Variants in INO80D observed in about 807,000 individuals in gnomAD.
INO80D encodes INO80 complex subunit D.
A neutral mutation model predicts 87.6 loss-of-function variants in INO80D; 21 were observed. The ratio of observed to expected loss-of-function variants is 0.24; its 90% CI spans 0.17 to 0.35. The LOEUF is 0.35. INO80D is among the 10% of genes least tolerant of loss of function. INO80D has a pLI of 1.00. For missense variants in INO80D, 982 were observed against 1,280.7 expected (o/e 0.77, Z 3.56); for synonymous variants, 440 against 491.0 (o/e 0.90, Z 1.37).
At position 206,056,256 on chromosome 2, in the gene INO80D, T is replaced by A. The variant is rs1689515076; in HGVS notation, c.906A>T (p.Arg302Ser). The A allele has an allele frequency of 6.2e-7, 1 of 1,612,910 alleles. No homozygotes were observed. Among genetic ancestry groups the A allele is most frequent in the Non-Finnish European group, 8.5e-7 (1 of 1,179,422 alleles). Residue 302 changes from arginine (R) to serine (S), a missense_variant, in exon 4 of 11, where the codon AGA becomes AGT. By Grantham distance (110) the Arg-to-Ser change is moderately radical. Transcript: ENST00000403263. Reference protein sequence around the residue: ...PHFSCISRLQRLVKLCTQKHQ... With the variant: ...PHFSCISRLQSLVKLCTQKHQ... ...GTTTCTGGGTGCACAGTTTCACCAG[T>A]CTCTGCAGTCGGCTTATACATGAGA...
At chr2:206,054,031 G>C (rs1264844536) in intron 4 of INO80D, among the ~76,000 whole-genome samples, 1 of 151,842 alleles carries the variant, frequency 6.6e-6, no homozygotes, top group Admixed American at 6.6e-5. Flanking sequence ...GTAGAGACAG[G>C]GTTTTGCCAT....
chr2:206,014,045 C>G (rs2105808833), intron 8 of INO80D, among the ~76,000 whole-genome samples: 1 of 151,320 alleles, frequency 6.6e-6, no homozygotes, highest in South Asian at 2.1e-4. Context: ...TGTAATCCAG[C>G]TACTCGGGAG....
chr2:206,049,850 G>A (rs1036052875), intron 4 of INO80D, among the ~76,000 whole-genome samples: 5 of 152,338 alleles, frequency 3.3e-5, no homozygotes, highest in South Asian at 4.1e-4. Context: ...TTAAAAGGGC[G>A]TCCGGGCATG....
chr2:205,995,439 C>T lies in INO80D; in HGVS notation c.*8929G>A, dbSNP rs1687792039. 1 of 152,152 alleles carries T rather than the reference C, an allele frequency of 6.6e-6. No individual in the cohort carries two copies. Among genetic ancestry groups the T allele is most frequent in the Admixed American group, 6.5e-5 (1 of 15,270 alleles). The allele number at this position is 152,152 out of a possible 1,614,324, so 9.4% of individuals were successfully genotyped here. A position where few individuals can be genotyped will look rare whatever the true frequency, so the allele number is the denominator to read the frequency against. ...ATAATGTATTTTAAATCATTACATA[C>T]AACTGCCACTGCAGTGACAATATTC... On this transcript the variant is annotated 3_prime_UTR_variant, in exon 11 of 11. Coordinates refer to ENST00000403263, the MANE Select transcript of INO80D (RefSeq NM_017759.5).
intron 4 of INO80D, among the ~76,000 whole-genome samples, chr2:206,052,400 G>C (rs1689398024): frequency 6.6e-6 from 1 of 152,050 alleles, no homozygotes; most frequent in Non-Finnish European, 1.5e-5. Flanking sequence ...TCACCATGTT[G>C]GCCAAGCTGG....
At position 206,000,323 on chromosome 2, in the gene INO80D, T is replaced by C. The variant is rs1031592445; in HGVS notation, c.*4045A>G. 6.6e-6 allele frequency: 1 copy of C among 151,642 alleles called. No homozygotes were observed. Among genetic ancestry groups the C allele is most frequent in the Non-Finnish European group, 1.5e-5 (1 of 67,966 alleles). The allele number at this position is 151,642 out of a possible 1,614,324, so 9.4% of individuals were successfully genotyped here. A position where few individuals can be genotyped will look rare whatever the true frequency, so the allele number is the denominator to read the frequency against. On this transcript the variant is annotated 3_prime_UTR_variant, in exon 11 of 11. Transcript: ENST00000403263. Reference sequence around the variant, plus strand: ...CCCATAGCGACCTTCTGAACTAACCTGGAGGAGAGGAGATTGCCTTACACG... The same window carrying C: ...CCCATAGCGACCTTCTGAACTAACCCGGAGGAGAGGAGATTGCCTTACACG...
At chr2:206,083,842 ACT>A (rs1414096734) in intron 1 of INO80D, among the ~76,000 whole-genome samples, 2 of 118,520 alleles carry the variant, frequency 1.7e-5, no homozygotes, top group African/African-American at 3.5e-5. Flanking sequence ...TAAACACAAC[ACT>A]CTGCCCTAAG....
intron 5 of INO80D, among the ~76,000 whole-genome samples, chr2:206,043,811 C>T (rs1689124263): frequency 6.6e-6 from 1 of 152,138 alleles, no homozygotes; most frequent in East Asian, 1.9e-4. Flanking sequence ...TTCTACAGCT[C>T]CCCATTTTCT....
chr2:206,065,199 G>A (rs772377791), intron 1 of INO80D, among the ~76,000 whole-genome samples: 3 of 152,174 alleles, frequency 2.0e-5, no homozygotes, highest in Non-Finnish European at 4.4e-5. Context: ...GGGTGGGCAC[G>A]GTGGCTCATG....
intron 8 of INO80D, among the ~76,000 whole-genome samples, chr2:206,010,122 G>A (rs7570520): frequency 0.02 from 2,965 of 151,354 alleles, 92 homozygotes; most frequent in African/African-American, 0.068. Context: ...TACTGGCATC[G>A]TTTCTGAATT....
At chr2:206,057,055 C>CAA in intron 3 of INO80D, 112 bp from the exon 4 acceptor site, 2 of 1,055,154 alleles carry the variant, frequency 1.9e-6, no homozygotes, top group South Asian at 1.7e-5. Flanking sequence ...TATAGTGACT[C>CAA]TTGGCAGCCA....
At chr2:206,080,423 C>T (rs1321011969) in intron 1 of INO80D, among the ~76,000 whole-genome samples, 1 of 152,116 alleles carries the variant, frequency 6.6e-6, no homozygotes, top group Non-Finnish European at 1.5e-5. Context: ...TTGGCCAATT[C>T]CAAATTCAAA....
intron 4 of INO80D, among the ~76,000 whole-genome samples, chr2:206,047,288 G>A (rs1237963988): frequency 6.6e-6 from 1 of 151,876 alleles, no homozygotes; most frequent in Non-Finnish European, 1.5e-5. Context: ...GCATGATCTC[G>A]GCTCACTGCA....
At chr2:206,084,273 A>ACC (rs35924014) in intron 1 of INO80D, among the ~76,000 whole-genome samples, 32,054 of 144,078 alleles carry the variant, frequency 0.22, 3,683 homozygotes, top group African/African-American at 0.31. Context: ...ACACACACAC[A>ACC]CCCCAAAACC....
intron 10 of INO80D, 88 bp from the exon 11 acceptor site, chr2:206,005,621 A>T (rs1340104523): frequency 1.9e-6 from 2 of 1,077,176 alleles, no homozygotes; most frequent in Non-Finnish European, 2.6e-6. Flanking sequence ...TTTAAACAAT[A>T]TTCGATTTAA....
At chr2:206,080,505 A>G (rs1048362012) in intron 1 of INO80D, among the ~76,000 whole-genome samples, 5 of 152,192 alleles carry the variant, frequency 3.3e-5, no homozygotes, top group African/African-American at 1.2e-4. Context: ...GCAAAAATAT[A>G]TTTATTTGCC....
rs1369920045 is a variant in INO80D, at chr2:206,000,805, A to G, written c.*3563T>C. On this transcript the variant is annotated 3_prime_UTR_variant, in exon 11 of 11. Transcript: ENST00000403263. ...TCAAGCCACTAAAGACAGTAACACCAATTTTAAGGAAAAAAAATAATAACC... is the reference window on the plus strand; with the variant it reads ...TCAAGCCACTAAAGACAGTAACACCGATTTTAAGGAAAAAAAATAATAACC... 1 of 152,188 alleles carries G rather than the reference A, an allele frequency of 6.6e-6. No individual in the cohort carries two copies. The highest frequency in any genetic ancestry group is 1.5e-5 in the Non-Finnish European group (1 of 68,024). 9.4% of individuals were successfully genotyped at this position (152,188 alleles called of 1,614,324 possible). A position where few individuals can be genotyped will look rare whatever the true frequency, so the allele number is the denominator to read the frequency against.
chr2:206,025,912 T>C (rs1356879455), intron 6 of INO80D, among the ~76,000 whole-genome samples: 1 of 151,924 alleles, frequency 6.6e-6, no homozygotes, highest in Non-Finnish European at 1.5e-5. Context: ...AAATTTTTTT[T>C]TTTGGAAGGC....
At chr2:206,064,757 C>A (rs1689770018) in intron 1 of INO80D, among the ~76,000 whole-genome samples, 1 of 151,910 alleles carries the variant, frequency 6.6e-6, no homozygotes, top group African/African-American at 2.4e-5. Context: ...ATTCCACCTG[C>A]CAGTAATGAA....
Sources: allele counts gnomAD v4.1 joint callset (sites outside exome capture counted in the v4.1 genomes callset), GRCh38; gene constraint gnomAD v4.1.1; transcripts MANE v1.5; gene names NCBI Gene and HGNC (gene_info 2026-07-23, HGNC 2026-07-21).